DCAF5: variants seen among roughly 807,000 people sequenced by gnomAD.
DCAF5 encodes the protein DDB1- and CUL4-associated factor 5.
Under a neutral mutation model 80.7 loss-of-function variants are expected in DCAF5, and 9 were observed. The observed-to-expected ratio is 0.11, with a 90% CI of 0.07 to 0.19. The LOEUF (loss-of-function observed/expected upper bound fraction) is 0.19. Ranked by LOEUF, DCAF5 falls within the 10% of genes least tolerant of loss-of-function variation. DCAF5 has a pLI of 1.00. For missense variants in DCAF5, 842 were observed against 1,205.7 expected (o/e 0.70, Z 4.47); for synonymous variants, 433 against 461.9 (o/e 0.94, Z 0.80).
chr14:69,122,620 T>G (rs534013141), intron 1 of DCAF5, among the ~76,000 whole-genome samples: 4 of 152,342 alleles, frequency 2.6e-5, no homozygotes, highest in Admixed American at 1.3e-4. Context: ...TTGAGACTCC[T>G]AAAGCCACCC....
At chr14:69,088,867 T>C (rs1317217203) in intron 6 of DCAF5, among the ~76,000 whole-genome samples, 2 of 152,212 alleles carry the variant, frequency 1.3e-5, no homozygotes, top group African/African-American at 4.8e-5. Context: ...AGAATATACA[T>C]GTCAGTCCTG....
chr14:69,107,130 G>C (rs1361273456), intron 5 of DCAF5, among the ~76,000 whole-genome samples: 2 of 152,128 alleles, frequency 1.3e-5, no homozygotes, highest in African/African-American at 4.8e-5. Context: ...ACTGGACTTG[G>C]GGAATACGAA....
At chr14:69,130,816 T>C (rs1352475678) in intron 1 of DCAF5, among the ~76,000 whole-genome samples, 1 of 152,182 alleles carries the variant, frequency 6.6e-6, no homozygotes, top group Non-Finnish European at 1.5e-5. Context: ...GATGGTGCTA[T>C]AGAAGGGTAC....
intron 6 of DCAF5, among the ~76,000 whole-genome samples, chr14:69,077,176 C>T (rs2038931741): frequency 6.6e-6 from 1 of 152,138 alleles, no homozygotes. Flanking sequence ...CTGCTCATTT[C>T]CCTGAAAAAG....
chr14:69,084,271 T>G (rs1203355964), intron 6 of DCAF5: 1 of 979,604 alleles, frequency 1.0e-6, no homozygotes, highest in Non-Finnish European at 1.7e-6. Flanking sequence ...CACAGAAACT[T>G]GCTAATGGGA....
intron 1 of DCAF5, among the ~76,000 whole-genome samples, chr14:69,128,644 T>C (rs1450097208): frequency 6.6e-6 from 1 of 152,188 alleles, no homozygotes; most frequent in Admixed American, 6.5e-5. Flanking sequence ...ATTGTGCGCC[T>C]GTAGTCCCAG....
At chr14:69,083,399 T>C (rs749756517) in intron 6 of DCAF5, 2 of 287,092 alleles carry the variant, frequency 7.0e-6, no homozygotes, top group Non-Finnish European at 1.3e-5. Flanking sequence ...TTGGACAGGA[T>C]GTCTCACCTG....
intron 1 of DCAF5, among the ~76,000 whole-genome samples, chr14:69,148,835 T>C (rs1439336977): frequency 6.6e-6 from 1 of 152,180 alleles, no homozygotes; most frequent in Non-Finnish European, 1.5e-5. Flanking sequence ...TACAGATGAG[T>C]AGTGAAGGTA....
At chr14:69,056,807 G>T (rs2037991630) in intron 8 of DCAF5, among the ~76,000 whole-genome samples, 1 of 152,064 alleles carries the variant, frequency 6.6e-6, no homozygotes, top group East Asian at 1.9e-4. Context: ...CTGAGAGGTG[G>T]TATCTCTGCA....
intron 6 of DCAF5, among the ~76,000 whole-genome samples, chr14:69,077,542 C>G (rs2038947612): frequency 6.6e-6 from 1 of 152,026 alleles, no homozygotes; most frequent in Non-Finnish European, 1.5e-5. Context: ...CACCACCACA[C>G]CCAGCTAATT....
chr14:69,067,567 A>C (rs2038505407), intron 7 of DCAF5, among the ~76,000 whole-genome samples: 1 of 148,942 alleles, frequency 6.7e-6, no homozygotes, highest in Non-Finnish European at 1.5e-5. Context: ...CTGGTCTCAA[A>C]CTCTTGGGCT....
intron 5 of DCAF5, among the ~76,000 whole-genome samples, chr14:69,111,404 T>C (rs928760993): frequency 6.6e-6 from 1 of 152,198 alleles, no homozygotes; most frequent in Admixed American, 6.6e-5. Context: ...GATAAGTCTT[T>C]ATAGGGATTC....
chr14:69,146,942 A>T (rs1375294726), intron 1 of DCAF5, among the ~76,000 whole-genome samples: 1 of 152,260 alleles, frequency 6.6e-6, no homozygotes, highest in Non-Finnish European at 1.5e-5. Context: ...CTGATAAGTA[A>T]CTACCGAACC....
intron 1 of DCAF5, chr14:69,143,908 T>A (rs1429804042): frequency 6.6e-6 from 1 of 152,556 alleles, no homozygotes; most frequent in Non-Finnish European, 1.5e-5. Context: ...AATCTGTAAC[T>A]GGTTGTGATC....
At chr14:69,148,414 G>A (rs1029881290) in intron 1 of DCAF5, among the ~76,000 whole-genome samples, 1 of 152,044 alleles carries the variant, frequency 6.6e-6, no homozygotes, top group Admixed American at 6.6e-5. Flanking sequence ...TAATGTTAAC[G>A]GGCTGGGTGG....
chr14:69,072,522 C>T (rs1010282168), intron 7 of DCAF5, among the ~76,000 whole-genome samples: 4 of 150,530 alleles, frequency 2.7e-5, no homozygotes, highest in Non-Finnish European at 2.9e-5. Context: ...GCAGGAGGAT[C>T]GCTTTAGCCC....
chr14:69,130,632 G>T (rs1595050070), intron 1 of DCAF5, among the ~76,000 whole-genome samples: 1 of 152,310 alleles, frequency 6.6e-6, no homozygotes, highest in East Asian at 1.9e-4. Flanking sequence ...ACTTATATAT[G>T]TACAATGCAG....
chr14:69,058,401 C>T (rs1401100189), intron 8 of DCAF5, among the ~76,000 whole-genome samples: 1 of 151,950 alleles, frequency 6.6e-6, no homozygotes, highest in Middle Eastern at 3.2e-3. Context: ...TGCCTGTAGT[C>T]CCAGCTACTC....
intron 5 of DCAF5, among the ~76,000 whole-genome samples, chr14:69,095,699 G>A (rs546739638): frequency 2.0e-5 from 3 of 152,266 alleles, no homozygotes; most frequent in African/African-American, 4.8e-5. Flanking sequence ...GTGATTGAGC[G>A]TATCACTTCT....
Sources: allele counts gnomAD v4.1 joint callset (sites outside exome capture counted in the v4.1 genomes callset), GRCh38; gene constraint gnomAD v4.1.1; transcripts MANE v1.5; gene names NCBI Gene and HGNC (gene_info 2026-07-23, HGNC 2026-07-21).